The following PCDH9 variants were observed in gnomAD, a reference collection of about 807,000 sequenced individuals.
PCDH9 encodes protocadherin-9.
A neutral mutation model predicts 70.6 loss-of-function variants in PCDH9; 24 were observed. That is an observed-to-expected ratio of 0.34 (90% CI 0.25 to 0.48). PCDH9 has a LOEUF of 0.48. Ranked by LOEUF, PCDH9 falls within the 20% of genes least tolerant of loss-of-function variation. The probability of loss-of-function intolerance (pLI) is 0.99; values close to 1 mark genes in which losing one functional copy is unlikely to be tolerated. For missense variants in PCDH9, 1,281 were observed against 1,503.6 expected, an observed-to-expected ratio of 0.85 and a Z score of 2.45; for synonymous variants, 562 against 558.5, an observed-to-expected ratio of 1.01 and a Z score of -0.09.
intron 4 of PCDH9, among the ~76,000 whole-genome samples, chr13:66,586,148 C>T (rs778813845): frequency 5.3e-5 from 8 of 151,954 alleles, no homozygotes; most frequent in Non-Finnish European, 1.0e-4. Flanking sequence ...TTAGATTATT[C>T]AATAGATTCA....
At chr13:66,842,189 T>C (rs894454522) in intron 3 of PCDH9, among the ~76,000 whole-genome samples, 1 of 152,032 alleles carries the variant, frequency 6.6e-6, no homozygotes, top group African/African-American at 2.4e-5. Context: ...TTCTTATACA[T>C]GGTATGGTCA....
chr13:67,129,928 T>A (rs756682428), intron 2 of PCDH9, among the ~76,000 whole-genome samples: 5 of 152,092 alleles, frequency 3.3e-5, no homozygotes, highest in East Asian at 1.9e-4. Flanking sequence ...TTAATTATTT[T>A]AAAATTTTTA....
intron 2 of PCDH9, among the ~76,000 whole-genome samples, chr13:67,007,797 A>G (rs2084380971): frequency 6.6e-6 from 1 of 152,126 alleles, no homozygotes; most frequent in African/African-American, 2.4e-5. Context: ...GCATATGGTT[A>G]ACACTTTTCT....
chr13:67,087,283 C>A (rs1292274478), intron 2 of PCDH9, among the ~76,000 whole-genome samples: 2 of 151,938 alleles, frequency 1.3e-5, no homozygotes, highest in Admixed American at 1.3e-4. Context: ...GTGCTAAAAA[C>A]TCTCACTAGT....
In PCDH9 at chr13:67,137,791, C is replaced by A. The variant is rs151084244; in HGVS notation, c.3036+87614G>T. Among the ~76,000 whole-genome samples, 1,097 of 152,212 alleles carry A rather than the reference C, an allele frequency of 7.2e-3. 8 individuals are homozygous for A. The highest frequency in any genetic ancestry group is 0.012 in the Non-Finnish European group (800 of 68,008). On this transcript the variant is annotated intron_variant, in intron 2 of 4. Coordinates refer to ENST00000377865, the MANE Select transcript of PCDH9 (RefSeq NM_203487.3). ...AAGTTGCTTGGCCTAAAAATGTCAT[C>A]AGCCACAGGGATTATTTGATTTGCT...
chr13:66,622,943 A>G (rs2077446686), intron 4 of PCDH9, among the ~76,000 whole-genome samples: 1 of 152,196 alleles, frequency 6.6e-6, no homozygotes, highest in Admixed American at 6.5e-5. Context: ...CGAGACCACG[A>G]ACGCACCGGG....
intron 3 of PCDH9, among the ~76,000 whole-genome samples, chr13:66,761,242 C>G (rs771572291): frequency 3.3e-5 from 5 of 152,010 alleles, no homozygotes. Context: ...CCCCGGAAAC[C>G]CAGCTGTAAA....
intron 2 of PCDH9, among the ~76,000 whole-genome samples, chr13:67,187,050 A>T (rs1199446836): frequency 6.6e-6 from 1 of 152,134 alleles, no homozygotes; most frequent in Non-Finnish European, 1.5e-5. Context: ...TTTTCCTCTA[A>T]ACTTTTCAAT....
At chr13:66,601,629 A>G (rs887715903) in intron 4 of PCDH9, among the ~76,000 whole-genome samples, 3 of 146,418 alleles carry the variant, frequency 2.0e-5, no homozygotes, top group Non-Finnish European at 4.6e-5. Flanking sequence ...ATCTTAACAT[A>G]TGTAGCATGT....
chr13:67,137,875 A>G lies in PCDH9; in HGVS notation c.3036+87530T>C, dbSNP rs2087272934. Among the ~76,000 whole-genome samples, 5 of 152,276 alleles carry G rather than the reference A, an allele frequency of 3.3e-5. No homozygotes were observed. In the South Asian group the frequency reaches 1.0e-3, roughly 32 times the overall value. ...AAAAGCACATCTCAAAAATGTCCAA[A>G]AAAGGAGAGGAAATATGTTCAATTC... is the stretch of plus-strand genomic sequence containing the variant. On this transcript the variant is annotated intron_variant, in intron 2 of 4. Coordinates refer to ENST00000377865, the MANE Select transcript of PCDH9 (RefSeq NM_203487.3).
At chr13:66,560,672 T>C (rs1281745431) in intron 4 of PCDH9, among the ~76,000 whole-genome samples, 1 of 152,214 alleles carries the variant, frequency 6.6e-6, no homozygotes, top group East Asian at 1.9e-4. Context: ...TAAAATTGGC[T>C]TCAAAATACT....
intron 4 of PCDH9, among the ~76,000 whole-genome samples, chr13:66,445,351 T>C (rs1046047315): frequency 6.8e-6 from 1 of 147,384 alleles, no homozygotes; most frequent in Non-Finnish European, 1.5e-5. Context: ...TGCAGAAAGT[T>C]AGTTGAAATG....
intron 4 of PCDH9, among the ~76,000 whole-genome samples, chr13:66,422,146 C>A (rs1434271284): frequency 6.6e-6 from 1 of 152,220 alleles, no homozygotes; most frequent in African/African-American, 2.4e-5. Context: ...CAGGAGCACC[C>A]AGATTCATAA....
intron 4 of PCDH9, among the ~76,000 whole-genome samples, chr13:66,593,838 C>A (rs1244201978): frequency 6.6e-6 from 1 of 151,668 alleles, no homozygotes; most frequent in African/African-American, 2.4e-5. Flanking sequence ...TAATAATTTT[C>A]TTCAACATGA....
chr13:67,175,860 T>C (rs2088436827), intron 2 of PCDH9, among the ~76,000 whole-genome samples: 1 of 152,094 alleles, frequency 6.6e-6, no homozygotes, highest in Admixed American at 6.6e-5. Flanking sequence ...ATTTTAGAGA[T>C]GCACCAAAAT....
At chr13:66,853,678 A>G (rs967605528) in intron 3 of PCDH9, among the ~76,000 whole-genome samples, 1 of 152,134 alleles carries the variant, frequency 6.6e-6, no homozygotes, top group African/African-American at 2.4e-5. Context: ...GTGTTTATAT[A>G]GAAAATTTCC....
At chr13:66,336,887 A>T (rs2138134225) in intron 4 of PCDH9, among the ~76,000 whole-genome samples, 1 of 152,198 alleles carries the variant, frequency 6.6e-6, no homozygotes, top group African/African-American at 2.4e-5. Context: ...GATTAAATGC[A>T]TTATATTATA....
intron 3 of PCDH9, among the ~76,000 whole-genome samples, chr13:66,754,277 G>A (rs763089004): frequency 3.3e-5 from 5 of 152,090 alleles, no homozygotes; most frequent in Non-Finnish European, 7.4e-5. Flanking sequence ...ACCTAATGTA[G>A]ATGATGGGTT....
At chr13:66,957,407 T>C (rs2083281085) in intron 2 of PCDH9, among the ~76,000 whole-genome samples, 2 of 152,136 alleles carry the variant, frequency 1.3e-5, no homozygotes, top group Admixed American at 6.5e-5. Context: ...GTGACCTCAT[T>C]GACGTTTTTG....
Sources: allele counts gnomAD v4.1 joint callset (sites outside exome capture counted in the v4.1 genomes callset), GRCh38; gene constraint gnomAD v4.1.1; transcripts MANE v1.5; gene names NCBI Gene and HGNC (gene_info 2026-07-23, HGNC 2026-07-21).